The following GRM8 variants were observed in gnomAD, a reference collection of about 807,000 sequenced individuals.
The protein encoded by GRM8 is glutamate metabotropic receptor 8.
GRM8 carries 47 observed loss-of-function variants against 87.2 expected under a neutral mutation model. The observed-to-expected ratio is 0.54, with a 90% CI of 0.43 to 0.69. The LOEUF (loss-of-function observed/expected upper bound fraction) is 0.69. Ranked by LOEUF, GRM8 falls within the 30% of genes least tolerant of loss-of-function variation. GRM8 has a pLI of 0.00. For missense variants in GRM8, 1,019 were observed against 1,139.2 expected, an observed-to-expected ratio of 0.89 and a Z score of 1.52; for synonymous variants, 396 against 404.5, an observed-to-expected ratio of 0.98 and a Z score of 0.25.
intron 3 of GRM8, among the ~76,000 whole-genome samples, chr7:127,097,538 C>T (rs557029439): frequency 2.0e-5 from 3 of 152,166 alleles, no homozygotes; most frequent in Admixed American, 6.5e-5. Flanking sequence ...TCCTGCACAC[C>T]AGGCAACATA....
rs552777114 is a variant in GRM8, at chr7:127,179,228, T to A, written c.510+63467A>T. Among the ~76,000 whole-genome samples the A allele has an allele frequency of 1.1e-4, 16 of 152,214 alleles. No homozygotes were observed. In the South Asian group the frequency reaches 3.3e-3, roughly 32 times the overall value. On this transcript the variant is annotated intron_variant, in intron 2 of 10. Transcript: ENST00000339582. ...CTCTTATATCAGACAAAACAAACTT[T>A]AAAGCAACAGCAGCTAAAAGAGACA...
intron 3 of GRM8, among the ~76,000 whole-genome samples, chr7:126,976,036 A>G (rs1810952427): frequency 1.3e-5 from 2 of 152,210 alleles, no homozygotes; most frequent in African/African-American, 2.4e-5. Context: ...TCAAGGTCCA[A>G]ATAGTTACAA....
At chr7:127,037,246 G>A (rs1212048843) in intron 3 of GRM8, among the ~76,000 whole-genome samples, 2 of 152,182 alleles carry the variant, frequency 1.3e-5, no homozygotes, top group African/African-American at 4.8e-5. Flanking sequence ...AGGAACTCAT[G>A]GATCTCTGAG....
chr7:126,517,975 G>A (rs1351728875), intron 9 of GRM8, among the ~76,000 whole-genome samples: 1 of 151,966 alleles, frequency 6.6e-6, no homozygotes, highest in African/African-American at 2.4e-5. Context: ...TAAAGTGTTG[G>A]CTTTTTCTTA....
chr7:126,881,895 T>A (rs1396169716), intron 6 of GRM8, among the ~76,000 whole-genome samples: 6 of 152,134 alleles, frequency 3.9e-5, no homozygotes, highest in African/African-American at 1.4e-4. Flanking sequence ...TGTATAAGTA[T>A]AAAACCTCTT....
At chr7:126,625,185 G>A (rs994897210) in intron 7 of GRM8, among the ~76,000 whole-genome samples, 6 of 151,894 alleles carry the variant, frequency 4.0e-5, no homozygotes, top group Non-Finnish European at 7.4e-5. Context: ...TCAGACACTG[G>A]CATGGATTAA....
chr7:126,630,840 T>C (rs1023735408), intron 7 of GRM8, among the ~76,000 whole-genome samples: 4 of 152,094 alleles, frequency 2.6e-5, no homozygotes, highest in Admixed American at 6.6e-5. Flanking sequence ...TCCTTCATGT[T>C]AAAAACTCTC....
At chr7:126,770,387 C>T (rs1403418162) in intron 6 of GRM8, among the ~76,000 whole-genome samples, 1 of 152,026 alleles carries the variant, frequency 6.6e-6, no homozygotes, top group East Asian at 1.9e-4. Context: ...GTGGCTTGAT[C>T]TTTTAAGTAA....
intron 2 of GRM8, among the ~76,000 whole-genome samples, chr7:127,123,220 A>G (rs1827178621): frequency 6.6e-6 from 1 of 152,136 alleles, no homozygotes; most frequent in South Asian, 2.1e-4. Flanking sequence ...AATCAGCCAG[A>G]TGTCACAATC....
chr7:127,150,346 C>T (rs1828785799), intron 2 of GRM8, among the ~76,000 whole-genome samples: 1 of 152,018 alleles, frequency 6.6e-6, no homozygotes, highest in Non-Finnish European at 1.5e-5. Flanking sequence ...AAACCAGTGG[C>T]TGTTCTCAAG....
chr7:126,548,994 C>T (rs1817480959), intron 8 of GRM8, among the ~76,000 whole-genome samples: 1 of 152,012 alleles, frequency 6.6e-6, no homozygotes, highest in Admixed American at 6.6e-5. Flanking sequence ...GTAGGGAGAG[C>T]TAAAAGTGAA....
intron 3 of GRM8, among the ~76,000 whole-genome samples, chr7:127,090,230 C>T (rs376481555): frequency 6.6e-6 from 1 of 152,204 alleles, no homozygotes; most frequent in Non-Finnish European, 1.5e-5. Context: ...CCATATCTCT[C>T]CAAATCAAAT....
intron 7 of GRM8, among the ~76,000 whole-genome samples, chr7:126,751,326 G>C (rs1816388606): frequency 6.6e-6 from 1 of 151,850 alleles, no homozygotes; most frequent in African/African-American, 2.4e-5. Context: ...GCATTCTTAA[G>C]TTTCTGCTCT....
chr7:126,693,585 T>G (rs762217208), intron 7 of GRM8, among the ~76,000 whole-genome samples: 3 of 152,166 alleles, frequency 2.0e-5, no homozygotes, highest in Non-Finnish European at 4.4e-5. Context: ...ATCCTTTGTT[T>G]TCTAACATAA....
chr7:126,966,704 T>G (rs1021825553), intron 3 of GRM8, among the ~76,000 whole-genome samples: 2 of 152,210 alleles, frequency 1.3e-5, no homozygotes, highest in African/African-American at 2.4e-5. Context: ...AGAAAACTTT[T>G]TATTTACTAA....
intron 3 of GRM8, among the ~76,000 whole-genome samples, chr7:127,072,896 G>C (rs1027269852): frequency 1.3e-4 from 19 of 151,248 alleles, no homozygotes; most frequent in African/African-American, 4.6e-4. Context: ...TTTTTATTTT[G>C]ACAAGGCACC....
At chr7:127,082,852 T>C (rs1039785018) in intron 3 of GRM8, among the ~76,000 whole-genome samples, 11 of 152,308 alleles carry the variant, frequency 7.2e-5, no homozygotes, top group African/African-American at 2.6e-4. Flanking sequence ...AGGTGGGGCT[T>C]GGAGAAATCA....
intron 8 of GRM8, among the ~76,000 whole-genome samples, chr7:126,591,512 C>T (rs1239745619): frequency 2.0e-5 from 3 of 151,934 alleles, no homozygotes; most frequent in African/African-American, 7.2e-5. Context: ...TTAAACTATA[C>T]CCTAGAACAA....
chr7:127,076,806 G>T (rs1293099872), intron 3 of GRM8, among the ~76,000 whole-genome samples: 7 of 152,224 alleles, frequency 4.6e-5, no homozygotes, highest in Admixed American at 2.6e-4. Flanking sequence ...TCTAAGTAAG[G>T]ACTGCCCAAG....
Sources: gnomAD v4.1 joint callset for allele counts (sites outside exome capture counted in the v4.1 genomes callset) on GRCh38, gnomAD v4.1.1 for gene constraint, MANE v1.5 for transcripts, NCBI Gene and HGNC (gene_info 2026-07-23, HGNC 2026-07-21) for gene names.